Variants in ITGA2 observed in about 807,000 individuals in gnomAD.
ITGA2 encodes the protein integrin alpha-2.
In ITGA2, 101 loss-of-function variants were observed where a neutral mutation model predicts 146.3. That is an observed-to-expected ratio of 0.69 (90% CI 0.59 to 0.81). The LOEUF (loss-of-function observed/expected upper bound fraction) is 0.81. ITGA2 is among the 40% of genes least tolerant of loss of function. ITGA2 has a pLI of 0.00. For synonymous variants in ITGA2, 477 were observed against 487.1 expected, an observed-to-expected ratio of 0.98 and a Z score of 0.27; for missense variants, 1,281 against 1,402.7, an observed-to-expected ratio of 0.91 and a Z score of 1.39.
In ITGA2 at chr5:53,001,813, T is replaced by TAA. The variant is rs34186143; in HGVS notation, c.64+12303_64+12304dup. 8.4e-4 allele frequency among the ~76,000 whole-genome samples: 93 copies of TAA among 110,258 alleles called. 1 individual carries two copies. The highest frequency in any genetic ancestry group is 9.9e-4 in the Non-Finnish European group (55 of 55,498). The allele number at this position is 110,258 out of a possible 152,430, so 72.3% of individuals were successfully genotyped here. A position where few individuals can be genotyped will look rare whatever the true frequency, so the allele number is the denominator to read the frequency against. On this transcript the variant is annotated intron_variant, in intron 1 of 29. Coordinates refer to ENST00000296585, the MANE Select transcript of ITGA2 (RefSeq NM_002203.4). ...CTGGATGACAGAACAAGGCCCTTTCTAAAAAAAAAAAAAAAAAAAAAAAGT... is the reference window on the plus strand; with the variant it reads ...CTGGATGACAGAACAAGGCCCTTTCTAAAAAAAAAAAAAAAAAAAAAAAAAGT...
At chr5:53,063,296 A>C (rs1361900545) in intron 13 of ITGA2, among the ~76,000 whole-genome samples, 1 of 151,940 alleles carries the variant, frequency 6.6e-6, no homozygotes, top group African/African-American at 2.4e-5. Flanking sequence ...ATAACAGGGC[A>C]ATGCTTTCTT....
At chr5:53,020,124 T>C (rs537454384) in intron 1 of ITGA2, among the ~76,000 whole-genome samples, 93 of 152,232 alleles carry the variant, frequency 6.1e-4, no homozygotes, top group African/African-American at 2.1e-3. Context: ...AAGAACAATG[T>C]TTACCACATC....
intron 4 of ITGA2, among the ~76,000 whole-genome samples, chr5:53,047,560 TTG>T (rs1296299931): frequency 2.6e-5 from 4 of 152,144 alleles, no homozygotes; most frequent in African/African-American, 9.7e-5. Flanking sequence ...TGAACCTCAT[TTG>T]TGTTTGCTTA....
intron 1 of ITGA2, among the ~76,000 whole-genome samples, chr5:53,022,230 GT>G (rs1208877742): frequency 2.3e-4 from 35 of 151,698 alleles, no homozygotes; most frequent in Admixed American, 1.3e-4. Context: ...GGGGGACAGG[GT>G]CTTACTTTGT....
chr5:53,035,509 A>G (rs1262611108), intron 2 of ITGA2, among the ~76,000 whole-genome samples: 1 of 152,234 alleles, frequency 6.6e-6, no homozygotes, highest in East Asian at 1.9e-4. Context: ...AAGCCTAAGA[A>G]GTCTGAGGCA....
At chr5:53,001,923 T>G (rs1019376276) in intron 1 of ITGA2, among the ~76,000 whole-genome samples, 1 of 152,010 alleles carries the variant, frequency 6.6e-6, no homozygotes, top group Non-Finnish European at 1.5e-5. Context: ...GAAGACATCT[T>G]AAATATCTTG....
chr5:53,016,411 C>A (rs1203146077), intron 1 of ITGA2, among the ~76,000 whole-genome samples: 1 of 152,152 alleles, frequency 6.6e-6, no homozygotes, highest in Non-Finnish European at 1.5e-5. Context: ...GAATATAGGC[C>A]TCAAATCTCT....
At chr5:53,073,391 C>A in intron 20 of ITGA2, 132 bp downstream of exon 20, 2 of 990,848 alleles carry the variant, frequency 2.0e-6, no homozygotes, top group Non-Finnish European at 3.2e-6. Flanking sequence ...TTGTGGCTTC[C>A]GACTAGTTAA....
intron 7 of ITGA2, 21 bp from the exon 8 acceptor site, chr5:53,055,513 CTTTA>C (rs764123313): frequency 1.2e-6 from 2 of 1,610,362 alleles, no homozygotes; most frequent in African/African-American, 1.3e-5. Context: ...GATAGCAAGT[CTTTA>C]TTTAATTTTA....
At position 53,007,515 on chromosome 5, in the gene ITGA2, G is replaced by GA. The variant is rs34676251; in HGVS notation, c.64+17993dup. ...AGAGAGAGAAACGGGGAGAGAGAGA[G>GA]AAAAAAAAAAGAGAAAGTTTATCCT... On this transcript the variant is annotated intron_variant, in intron 1 of 29. Transcript: ENST00000296585. 1.4e-3 allele frequency among the ~76,000 whole-genome samples: 199 copies of GA among 147,014 alleles called. 2 individuals carry two copies. In the South Asian group the frequency reaches 0.028, roughly 21 times the overall value.
chr5:53,085,860 A>T (rs1029757894), intron 27 of ITGA2, among the ~76,000 whole-genome samples: 1 of 152,210 alleles, frequency 6.6e-6, no homozygotes. Context: ...GACCTAATGT[A>T]GAGAAAATAG....
chr5:53,063,210 T>C (rs1002653148), intron 13 of ITGA2, among the ~76,000 whole-genome samples: 4 of 151,924 alleles, frequency 2.6e-5, no homozygotes, highest in African/African-American at 9.7e-5. Flanking sequence ...GCACATCGTT[T>C]ATTGAAATAT....
At chr5:53,004,836 C>A (rs992423587) in intron 1 of ITGA2, among the ~76,000 whole-genome samples, 2 of 139,656 alleles carry the variant, frequency 1.4e-5, no homozygotes, top group African/African-American at 5.5e-5. Context: ...GAACTTAAAT[C>A]TTTACACAGT....
intron 7 of ITGA2, among the ~76,000 whole-genome samples, chr5:53,053,052 CA>C (rs1744457715): frequency 6.6e-6 from 1 of 152,154 alleles, no homozygotes; most frequent in South Asian, 2.1e-4. Flanking sequence ...ATGAACTTGC[CA>C]TTTTGATTCA....
rs758607230 is a variant in ITGA2, at chr5:52,989,502, C to A, written c.34C>A (p.Pro12Thr). 1.2e-6 allele frequency: 2 copies of A among 1,613,470 alleles called. No individual in the cohort carries two copies. The highest frequency in any genetic ancestry group is 1.7e-6 in the Non-Finnish European group (2 of 1,179,812). ...GPERTGAAPLPLLLVLALSQG... is the reference protein window; with the variant it reads ...GPERTGAAPLTLLLVLALSQG... ...AGAACGGACAGGGGCCGCGCCGCTG[C>A]CGCTGCTGCTGGTGTTAGCGCTCAG... Residue 12 changes from proline (P) to threonine (T), a missense_variant, in exon 1 of 30, where the codon CCG becomes ACG. Around this residue, in one of 3 missense-constraint regions of ITGA2, gnomAD observed 795 missense variants for 841.7 expected, o/e 0.94. Coordinates refer to ENST00000296585, the MANE Select transcript of ITGA2 (RefSeq NM_002203.4).
At chr5:53,008,343 G>A (rs1035656830) in intron 1 of ITGA2, among the ~76,000 whole-genome samples, 1 of 147,566 alleles carries the variant, frequency 6.8e-6, no homozygotes, top group African/African-American at 2.5e-5. Context: ...ACTAGATTAG[G>A]GCTTCACTCT....
rs1386859028 is a variant in ITGA2 at position 53,081,620 on chromosome 5, T to A, written c.3068T>A (p.Ile1023Asn). 1 of 1,612,796 alleles carries A rather than the reference T, an allele frequency of 6.2e-7. No individual in the cohort carries two copies. Among genetic ancestry groups the A allele is most frequent in the East Asian group, 2.2e-5 (1 of 44,784 alleles). Residue 1023 changes from isoleucine to asparagine, a missense_variant, in exon 26 of 30, where the codon ATC becomes AAC. Coordinates refer to ENST00000296585, the MANE Select transcript of ITGA2 (RefSeq NM_002203.4). ...KAGDISCNAD[I>N]NPLKIGQTSS... Reference sequence around the variant, plus strand: ...GGTGACATCAGTTGTAATGCAGATATCAATCCACTGAAAATAGGACAAACA... The same window carrying A: ...GGTGACATCAGTTGTAATGCAGATAACAATCCACTGAAAATAGGACAAACA...
intron 1 of ITGA2, among the ~76,000 whole-genome samples, chr5:53,007,313 C>G (rs939023683): frequency 3.3e-5 from 5 of 152,040 alleles, no homozygotes; most frequent in Non-Finnish European, 4.4e-5. Context: ...AGAAAAGACC[C>G]TAACCAAAAT....
rs1740532762 is a variant in ITGA2 at position 53,093,358 on chromosome 5, C to G, written c.*2759C>G. 6.6e-6 allele frequency: 1 copy of G among 152,180 alleles called. No individual in the cohort carries two copies. The highest frequency in any genetic ancestry group is 1.5e-5 in the Non-Finnish European group (1 of 68,054). The allele number at this position is 152,180 out of a possible 1,614,324, so 9.4% of individuals were successfully genotyped here. On this transcript the variant is annotated 3_prime_UTR_variant, in exon 30 of 30. Coordinates refer to ENST00000296585, the MANE Select transcript of ITGA2 (RefSeq NM_002203.4). ...ACTATAAACCATTAGCCACTTGTCTCTGCACCATTTATCACACCAGGACAG... is the reference window on the plus strand; with the variant it reads ...ACTATAAACCATTAGCCACTTGTCTGTGCACCATTTATCACACCAGGACAG...
Sources: allele counts gnomAD v4.1 joint callset (sites outside exome capture counted in the v4.1 genomes callset), GRCh38; gene constraint gnomAD v4.1.1; regional missense constraint gnomAD v4.1.1; transcripts MANE v1.5; gene names NCBI Gene and HGNC (gene_info 2026-07-23, HGNC 2026-07-21).